TAS2R1: variants seen among roughly 807,000 people sequenced by gnomAD.
TAS2R1 encodes the protein taste 2 receptor member 1, also known as taste receptor type 2 member 1.
For synonymous variants in TAS2R1, 141 were observed against 134.2 expected (o/e 1.05, Z -0.35); for missense variants, 370 against 353.4 (o/e 1.05, Z -0.38).
the TAS2R1 span, among the ~76,000 whole-genome samples, chr5:9,731,477 C>A: frequency 6.6e-6 from 1 of 152,182 alleles, no homozygotes; most frequent in East Asian, 1.9e-4. Flanking sequence ...GGCTTCCTCA[C>A]CATCACAACG....
At chr5:9,817,143 C>T in the TAS2R1 span, among the ~76,000 whole-genome samples, 1 of 152,064 alleles carries the variant, frequency 6.6e-6, no homozygotes, top group Non-Finnish European at 1.5e-5. Flanking sequence ...ATTTTAAGCC[C>T]ACATGTCACA....
chr5:9,669,970 A>C (rs1740717261), intron 1 of TAS2R1, among the ~76,000 whole-genome samples: 1 of 152,114 alleles, frequency 6.6e-6, no homozygotes, highest in South Asian at 2.1e-4. Context: ...CTACAAATTG[A>C]TTTTTTGAAA....
the TAS2R1 span, among the ~76,000 whole-genome samples, chr5:9,835,031 T>G: frequency 2.6e-5 from 4 of 152,168 alleles, no homozygotes; most frequent in African/African-American, 9.7e-5. Context: ...AGAAATTGAT[T>G]GTCTGCCGAC....
the TAS2R1 span, among the ~76,000 whole-genome samples, chr5:9,842,855 C>T: frequency 1.3e-5 from 2 of 152,020 alleles, no homozygotes; most frequent in African/African-American, 4.8e-5. Flanking sequence ...AAAATCTCTT[C>T]TGTACTTTTG....
chr5:9,693,620 G>GT (rs772876225), intron 1 of TAS2R1, among the ~76,000 whole-genome samples: 2,327 of 142,122 alleles, frequency 0.016, 21 homozygotes, highest in Non-Finnish European at 0.023. Flanking sequence ...CCTCAAGTCT[G>GT]TTTTTTTTTT....
chr5:9,724,087 T>A, the TAS2R1 span, among the ~76,000 whole-genome samples: 1 of 152,220 alleles, frequency 6.6e-6, no homozygotes, highest in Non-Finnish European at 1.5e-5. Flanking sequence ...ACAGCTCATG[T>A]TTCAGTGTCA....
At chr5:9,770,838 A>C in the TAS2R1 span, among the ~76,000 whole-genome samples, 1 of 152,148 alleles carries the variant, frequency 6.6e-6, no homozygotes, top group Admixed American at 6.5e-5. Flanking sequence ...TAATATCTGC[A>C]AACAAGGATA....
the TAS2R1 span, among the ~76,000 whole-genome samples, chr5:9,722,705 C>T: frequency 6.6e-6 from 1 of 152,250 alleles, no homozygotes; most frequent in Non-Finnish European, 1.5e-5. Flanking sequence ...TGATCCCTCA[C>T]ACAGCCATCT....
the TAS2R1 span, among the ~76,000 whole-genome samples, chr5:9,852,320 A>G: frequency 2.6e-5 from 4 of 152,260 alleles, no homozygotes; most frequent in Middle Eastern, 3.4e-3. Context: ...GGATGACTTA[A>G]CTGTAGATCA....
the TAS2R1 span, among the ~76,000 whole-genome samples, chr5:9,819,063 T>C: frequency 6.6e-6 from 1 of 152,182 alleles, no homozygotes; most frequent in African/African-American, 2.4e-5. Context: ...CACTCCTCAT[T>C]ACTGTTCCTC....
chr5:9,792,253 A>G, the TAS2R1 span, among the ~76,000 whole-genome samples: 2 of 152,336 alleles, frequency 1.3e-5, no homozygotes, highest in Non-Finnish European at 2.9e-5. Context: ...ATATGCATGT[A>G]AATGCATGAA....
At chr5:9,778,260 G>A in the TAS2R1 span, among the ~76,000 whole-genome samples, 1 of 152,196 alleles carries the variant, frequency 6.6e-6, no homozygotes, top group African/African-American at 2.4e-5. Context: ...CTCGATGGTG[G>A]GCTTAAAATA....
chr5:9,643,662 A>T (rs1416734791), intron 2 of TAS2R1, among the ~76,000 whole-genome samples: 1 of 152,204 alleles, frequency 6.6e-6, no homozygotes, highest in Non-Finnish European at 1.5e-5. Flanking sequence ...TTTCAACTCC[A>T]TTAAAATCTC....
the TAS2R1 span, among the ~76,000 whole-genome samples, chr5:9,774,600 G>A: frequency 6.6e-6 from 1 of 152,238 alleles, no homozygotes; most frequent in South Asian, 2.1e-4. Flanking sequence ...GAAGGCACTT[G>A]GGTGTTATGA....
Position 9,686,600 on chromosome 5 carries a change from G to A in TAS2R1, c.-242+25572C>T, listed in dbSNP as rs1049398706. Among the ~76,000 whole-genome samples the A allele has an allele frequency of 2.0e-5, 3 of 152,112 alleles. No homozygotes were observed. The East Asian group carries it at 5.8e-4, about 29-fold the overall frequency. ...AACAAAAAAAGAGAGAGACAAAGAT[G>A]GGGGGAAGGGAGGAGAGGAAGTGGG... On this transcript the variant is annotated intron_variant, in intron 1 of 2. Transcript: ENST00000506620.
the TAS2R1 span, among the ~76,000 whole-genome samples, chr5:9,894,830 T>C: frequency 6.6e-6 from 1 of 152,240 alleles, no homozygotes; most frequent in Non-Finnish European, 1.5e-5. Flanking sequence ...GTTCAGTTGG[T>C]AAATTTTTGG....
At chr5:9,755,833 T>C in the TAS2R1 span, among the ~76,000 whole-genome samples, 1 of 152,168 alleles carries the variant, frequency 6.6e-6, no homozygotes, top group Admixed American at 6.5e-5. Flanking sequence ...ATGTGTACAC[T>C]GTCATGGCAC....
the TAS2R1 span, among the ~76,000 whole-genome samples, chr5:9,753,407 TC>T: frequency 6.6e-6 from 1 of 152,366 alleles, no homozygotes; most frequent in South Asian, 2.1e-4. Context: ...TTTGTTTTTT[TC>T]TTGTAAATTT....
chr5:9,845,281 G>A, the TAS2R1 span, among the ~76,000 whole-genome samples: 1 of 152,226 alleles, frequency 6.6e-6, no homozygotes, highest in African/African-American at 2.4e-5. Flanking sequence ...CAAGCTGGAA[G>A]CAGATCTTCG....
Sources: allele counts gnomAD v4.1 joint callset (sites outside exome capture counted in the v4.1 genomes callset), GRCh38; gene constraint gnomAD v4.1.1; transcripts MANE v1.5; gene names NCBI Gene and HGNC (gene_info 2026-07-23, HGNC 2026-07-21).